MYO7B: variants seen among roughly 807,000 people sequenced by gnomAD.
MYO7B encodes unconventional myosin-VIIb.
In MYO7B, 212 loss-of-function variants were observed where a neutral mutation model predicts 259.7. The observed-to-expected ratio is 0.82, with a 90% CI of 0.73 to 0.91. The LOEUF is 0.91. Among genes scored for constraint, MYO7B ranks in the 40% least tolerant of loss-of-function variants. The pLI, the probability that MYO7B is intolerant of heterozygous loss-of-function variation, is 0.00. For missense variants in MYO7B, 2,732 were observed against 2,813.5 expected, an observed-to-expected ratio of 0.97 and a Z score of 0.66; for synonymous variants, 1,197 against 1,166.4, an observed-to-expected ratio of 1.03 and a Z score of -0.54.
chr2:127,636,450 G>T lies in MYO7B; in HGVS notation c.6124-95G>T. On this transcript the variant is annotated intron_variant, in intron 45 of 47. Coordinates refer to ENST00000409816, the MANE Select transcript of MYO7B (RefSeq NM_001393586.1). This position sits in a 1 kb window ranked among gnomAD's most constrained non-coding sequence, Gnocchi z 4.5. ...GGCCGTGAGGCTGGAGGGCGTGGGT[G>T]TATGTGTGTATGTGCGTGTGGCCTA... 2.1e-6 allele frequency: 3 copies of T among 1,411,162 alleles called. No homozygotes were observed. Among genetic ancestry groups the T allele is most frequent in the Non-Finnish European group, 3.0e-6 (3 of 1,013,002 alleles). The allele number at this position is 1,411,162 out of a possible 1,614,324, so 87.4% of individuals were successfully genotyped here. A position where few individuals can be genotyped will look rare whatever the true frequency, so the allele number is the denominator to read the frequency against.
chr2:127,567,361 CAG>C lies in MYO7B; in HGVS notation c.470+535_470+536del, dbSNP rs1380420527. On this transcript the variant is annotated intron_variant, in intron 5 of 47. Coordinates refer to ENST00000409816, the MANE Select transcript of MYO7B (RefSeq NM_001393586.1). ...CAGGCCTCAGGTGAGGACAGAGGAG[CAG>C]CAGCTCCAGGGGACAGCTCTCAGTT... is the stretch of plus-strand genomic sequence containing the variant. Among the ~76,000 whole-genome samples, 81 of 152,166 alleles carry C rather than the reference CAG, an allele frequency of 5.3e-4. 1 individual carries two copies. The highest frequency in any genetic ancestry group is 2.2e-4 in the Non-Finnish European group (15 of 68,030).
intron 5 of MYO7B, among the ~76,000 whole-genome samples, chr2:127,569,147 G>A (rs1004233696): frequency 2.1e-5 from 3 of 144,634 alleles, no homozygotes; most frequent in Non-Finnish European, 4.4e-5. Context: ...GGTGGAGGTT[G>A]CAGTGAGCCG....
chr2:127,566,743 A>C lies in MYO7B; in HGVS notation c.386A>C (p.Glu129Ala), dbSNP rs1678365113. 1 of 1,612,880 alleles carries C rather than the reference A, an allele frequency of 6.2e-7. No homozygotes were observed. The highest frequency in any genetic ancestry group is 1.3e-5 in the African/African-American group (1 of 74,932). ...VQLYYSRHMG[E>A]LPPHVFAIAN... ...CTCTACTACAGCCGCCATATGGGCG[A>C]GCTGCCCCCGCATGTCTTTGCCATC... Residue 129 changes from glutamate to alanine, a missense_variant, in exon 5 of 48, where the codon GAG becomes GCG. Transcript: ENST00000409816.
rs750615710 is a variant in MYO7B at position 127,578,094 on chromosome 2, AG to A, written c.850-35del. ...GGTCCCAGGAGGGAGGTGGTGGGGC[AG>A]GGGATGGCCCCATTCACTGAGGCAC... On this transcript the variant is annotated intron_variant, in intron 8 of 47. Coordinates refer to ENST00000409816, the MANE Select transcript of MYO7B (RefSeq NM_001393586.1). 6.2e-6 allele frequency: 10 copies of A among 1,608,050 alleles called. No homozygotes were observed. The Admixed American group carries it at 6.7e-5, about 11-fold the overall frequency.
intron 19 of MYO7B, among the ~76,000 whole-genome samples, chr2:127,599,094 C>CA (rs1049922218): frequency 5.9e-5 from 9 of 151,824 alleles, no homozygotes; most frequent in African/African-American, 1.7e-4. Context: ...TCTATATCTA[C>CA]AAAAAAAACC....
chr2:127,542,368 G>A (rs962532126), intron 1 of MYO7B, among the ~76,000 whole-genome samples: 5 of 152,160 alleles, frequency 3.3e-5, no homozygotes, highest in African/African-American at 1.2e-4. Context: ...GAGTGGGGCT[G>A]CCGCCACTTT....
intron 35 of MYO7B, 147 bp downstream of exon 35, chr2:127,629,973 CTGCGGCAAGGTG>C: frequency 4.8e-6 from 4 of 838,802 alleles, no homozygotes; most frequent in Non-Finnish European, 6.6e-6. Flanking sequence ...CCCACCATTC[CTGCGGCAAGGTG>C]TGTGTGCAGT....
chr2:127,623,168 A>G, intron 28 of MYO7B, 34 bp from the exon 29 acceptor site: 1 of 1,611,058 alleles, frequency 6.2e-7, no homozygotes, highest in Non-Finnish European at 8.5e-7. Flanking sequence ...ATAGGTTCCA[A>G]GAGGCCAGGG....
In MYO7B at chr2:127,588,487, G is replaced by A. The variant is rs1478641855; in HGVS notation, c.1786G>A (p.Glu596Lys). 6.2e-7 allele frequency: 1 copy of A among 1,613,298 alleles called. No homozygotes were observed. The highest frequency in any genetic ancestry group is 1.3e-5 in the African/African-American group (1 of 75,042). ...NKFLREIFNL[E>K]LAETKLGHGT... Reference sequence around the variant, plus strand: ...GTTTCTGAGGGAGATATTCAACTTGGAGTTAGCAGAGACCAAGCTGGGCCA... The same window carrying A: ...GTTTCTGAGGGAGATATTCAACTTGAAGTTAGCAGAGACCAAGCTGGGCCA... The change falls in exon 15 of 48, where the codon GAG becomes AAG. Residue 596 changes from glutamate (E) to lysine (K), a missense_variant. Physicochemically the swap from Glu to Lys is moderately conservative, Grantham distance 56 (BLOSUM62 1). This residue lies in a region of MYO7B where 1,906 missense variants were observed against 2,026.4 expected (regional missense o/e 0.94). Transcript: ENST00000409816.
rs970888594 is a variant in MYO7B at position 127,546,912 on chromosome 2, C to T, written c.-24+11081C>T. On this transcript the variant is annotated intron_variant, in intron 1 of 47. Transcript: ENST00000409816. The surrounding 1 kb of genome is among the most constrained non-coding windows in gnomAD (Gnocchi z 4.2). Reference sequence around the variant, plus strand: ...ATCCACCATCCATCTATCCACCCACCCACCCATTCACCCACTCATTCAACC... The same window carrying T: ...ATCCACCATCCATCTATCCACCCACTCACCCATTCACCCACTCATTCAACC... Among the ~76,000 whole-genome samples the T allele has an allele frequency of 3.3e-5, 5 of 152,026 alleles. No individual in the cohort carries two copies. Among genetic ancestry groups the T allele is most frequent in the East Asian group, 3.9e-4 (2 of 5,170 alleles).
intron 19 of MYO7B, 140 bp downstream of exon 19, chr2:127,596,696 C>A: frequency 1.4e-6 from 1 of 691,326 alleles, no homozygotes; most frequent in Non-Finnish European, 2.6e-6. Context: ...GCCTTCCAAC[C>A]AGGGACACTG....
At chr2:127,629,966 A>G in intron 35 of MYO7B, 140 bp downstream of exon 35, 9 of 896,004 alleles carry the variant, frequency 1.0e-5, no homozygotes, top group Non-Finnish European at 1.4e-5. Flanking sequence ...GGCAGCCCCC[A>G]CCATTCCTGC....
At chr2:127,548,650 G>A (rs1440945941) in intron 1 of MYO7B, among the ~76,000 whole-genome samples, 5 of 151,852 alleles carry the variant, frequency 3.3e-5, no homozygotes, top group Middle Eastern at 3.2e-3. Flanking sequence ...TCCTGACCTC[G>A]TGATCCACCC....
intron 2 of MYO7B, among the ~76,000 whole-genome samples, chr2:127,561,047 A>G (rs1039577393): frequency 2.2e-4 from 33 of 152,202 alleles, no homozygotes; most frequent in African/African-American, 8.0e-4. Flanking sequence ...AGTTGCAAAC[A>G]TGAGAGCGTG....
rs754170877 is a variant in MYO7B, at chr2:127,611,717, C to T, written c.3193-533C>T. Among the ~76,000 whole-genome samples, 6 of 152,298 alleles carry T rather than the reference C, an allele frequency of 3.9e-5. No homozygotes were observed. The highest frequency in any genetic ancestry group is 1.9e-4 in the East Asian group (1 of 5,174). On this transcript the variant is annotated intron_variant, in intron 24 of 47. Transcript: ENST00000409816. The surrounding 1 kb of genome is among the most constrained non-coding windows in gnomAD (Gnocchi z 5.4). ...CTCATGACGCCATCATGAGAAGGGG[C>T]GGCCTCTGCCTAAGGAGAGCAACAG...
In MYO7B at chr2:127,629,922, CAGCCCACCTAGCAGA is replaced by C. The variant is rs1186464195; in HGVS notation, c.4806+97_4806+111del. 2.2e-6 allele frequency: 3 copies of C among 1,337,688 alleles called. No homozygotes were observed. The African/African-American group carries it at 4.6e-5, about 20-fold the overall frequency. The allele number at this position is 1,337,688 out of a possible 1,614,324, so 82.9% of individuals were successfully genotyped here. ...GTTGGGAGGCCTAGCTCAGGGCCTG[CAGCCCACCTAGCAGA>C]GGCCAGGAGGGCCACCCGGGCAGCC... On this transcript the variant is annotated intron_variant, in intron 35 of 47. Transcript: ENST00000409816.
In MYO7B at chr2:127,637,563, G is replaced by T. The variant is rs75591580; in HGVS notation, c.*146G>T. On this transcript the variant is annotated 3_prime_UTR_variant, in exon 48 of 48. Coordinates refer to ENST00000409816, the MANE Select transcript of MYO7B (RefSeq NM_001393586.1). ...ACAAAGCCCACTCAGCCCCGCAGGC[G>T]GCCCCCTCTGTCCTGGGCGCTGCCC... The T allele has an allele frequency of 3.2e-6, 2 of 622,092 alleles. No individual in the cohort carries two copies. Among genetic ancestry groups the T allele is most frequent in the Admixed American group, 3.3e-5 (1 of 30,686 alleles). The allele number at this position is 622,092 out of a possible 1,614,324, so 38.5% of individuals were successfully genotyped here.
At chr2:127,633,860 C>T (rs1681648889) in intron 40 of MYO7B, among the ~76,000 whole-genome samples, 1 of 151,792 alleles carries the variant, frequency 6.6e-6, no homozygotes, top group African/African-American at 2.4e-5. Context: ...TCGCCTCGCG[C>T]CCTCTCCAAC....
chr2:127,628,649 G>A lies in MYO7B; in HGVS notation c.4624+114G>A, dbSNP rs899832142. ...ACACAGCAGCCACAAGGCAAGCAGAGGGAGGGAAGGCCCCAAAGCTCTGTG... is the reference window on the plus strand; with the variant it reads ...ACACAGCAGCCACAAGGCAAGCAGAAGGAGGGAAGGCCCCAAAGCTCTGTG... On this transcript the variant is annotated intron_variant, in intron 34 of 47. Coordinates refer to ENST00000409816, the MANE Select transcript of MYO7B (RefSeq NM_001393586.1). This position sits in a 1 kb window ranked among gnomAD's most constrained non-coding sequence, Gnocchi z 4.8. 1.3e-5 allele frequency: 15 copies of A among 1,174,164 alleles called. No individual in the cohort carries two copies. Among genetic ancestry groups the A allele is most frequent in the Non-Finnish European group, 1.8e-5 (15 of 842,372 alleles). The allele number at this position is 1,174,164 out of a possible 1,614,324, so 72.7% of individuals were successfully genotyped here.
Sources: allele counts gnomAD v4.1 joint callset (sites outside exome capture counted in the v4.1 genomes callset), GRCh38; gene constraint gnomAD v4.1.1; regional missense constraint gnomAD v4.1.1; non-coding constraint Gnocchi (gnomAD v3.1); transcripts MANE v1.5; gene names NCBI Gene and HGNC (gene_info 2026-07-23, HGNC 2026-07-21).